Variants in ZCWPW2 observed in about 807,000 individuals in gnomAD.
ZCWPW2 encodes zinc finger CW-type and PWWP domain containing 2, also known as zinc finger CW-type PWWP domain protein 2.
A neutral mutation model predicts 46.6 loss-of-function variants in ZCWPW2; 45 were observed. That is an observed-to-expected ratio of 0.96 (90% CI 0.76 to 1.24). ZCWPW2 has a LOEUF of 1.24. Ranked by LOEUF, ZCWPW2 falls within the 50% of genes most tolerant of loss-of-function variation. ZCWPW2 has a pLI of 0.00. For missense variants in ZCWPW2, 429 were observed against 403.9 expected (o/e 1.06, Z -0.53); for synonymous variants, 152 against 137.1 (o/e 1.11, Z -0.76).
At chr3:28,391,687 C>T (rs1338497506) in intron 2 of ZCWPW2, among the ~76,000 whole-genome samples, 2 of 152,120 alleles carry the variant, frequency 1.3e-5, no homozygotes, top group Non-Finnish European at 2.9e-5. Context: ...AGCATGACCT[C>T]TAATGCTCTG....
chr3:28,516,248 T>G (rs1700565895), intron 8 of ZCWPW2, among the ~76,000 whole-genome samples: 1 of 139,414 alleles, frequency 7.2e-6, no homozygotes, highest in African/African-American at 2.7e-5. Flanking sequence ...AGAACAAGAT[T>G]CCCTCTCAAT....
At chr3:28,479,849 A>G (rs1014984011) in intron 5 of ZCWPW2, among the ~76,000 whole-genome samples, 3 of 152,292 alleles carry the variant, frequency 2.0e-5, no homozygotes, top group African/African-American at 4.8e-5. Context: ...CAAAGGACTC[A>G]TCTCACTCTT....
intron 4 of ZCWPW2, among the ~76,000 whole-genome samples, chr3:28,439,116 G>GAT (rs569482055): frequency 1.3e-3 from 178 of 138,926 alleles, no homozygotes; most frequent in African/African-American, 4.5e-3. Context: ...CACACCATAG[G>GAT]ATATATATAT....
intron 6 of ZCWPW2, among the ~76,000 whole-genome samples, chr3:28,498,915 G>A (rs1303105756): frequency 6.6e-6 from 1 of 152,036 alleles, no homozygotes; most frequent in Non-Finnish European, 1.5e-5. Context: ...TTCTGTTCCT[G>A]TGTTAGTTTG....
At chr3:28,403,667 A>G (rs187830287) in intron 2 of ZCWPW2, among the ~76,000 whole-genome samples, 1 of 152,298 alleles carries the variant, frequency 6.6e-6, no homozygotes, top group Non-Finnish European at 1.5e-5. Context: ...ATAGTCACCA[A>G]AACAGCATGG....
chr3:28,417,131 AAG>A (rs1696615880), intron 3 of ZCWPW2, among the ~76,000 whole-genome samples: 1 of 151,890 alleles, frequency 6.6e-6, no homozygotes, highest in East Asian at 1.9e-4. Flanking sequence ...AGAAAAGACA[AAG>A]GGGATATCAC....
At chr3:28,487,753 G>A (rs2125812746) in intron 5 of ZCWPW2, among the ~76,000 whole-genome samples, 1 of 152,216 alleles carries the variant, frequency 6.6e-6, no homozygotes, top group East Asian at 1.9e-4. Context: ...GACATGAGGG[G>A]GAGGGAAAGC....
At chr3:28,401,071 C>G (rs376817780) in intron 2 of ZCWPW2, among the ~76,000 whole-genome samples, 1 of 151,438 alleles carries the variant, frequency 6.6e-6, no homozygotes, top group South Asian at 2.1e-4. Context: ...CCCAGCTACT[C>G]GGGAGGCTGA....
chr3:28,405,485 G>T (rs1200702890), intron 2 of ZCWPW2, among the ~76,000 whole-genome samples: 3 of 152,126 alleles, frequency 2.0e-5, no homozygotes, highest in South Asian at 2.1e-4. Flanking sequence ...TTGTTTGTTT[G>T]TTTTTTTGAG....
In ZCWPW2 at chr3:28,413,185, G is replaced by A. The variant is rs765163042; in HGVS notation, c.117G>A (p.Leu39=). The A allele has an allele frequency of 2.5e-6, 4 of 1,613,376 alleles. No homozygotes were observed. In the East Asian group the frequency reaches 8.9e-5, roughly 36 times the overall value. ...TTCAATGTGAGAATGAAAATTGTTTGAAATGGAGATTGTTATCAAGTGAGG... is the reference window on the plus strand; with the variant it reads ...TTCAATGTGAGAATGAAAATTGTTTAAAATGGAGATTGTTATCAAGTGAGG... ...VWVQCENENC[L]KWRLLSSEDS... The change falls in exon 3 of 10, where the codon TTG becomes TTA. Residue 39 remains leucine (L), a synonymous_variant. Transcript: ENST00000383768.
intron 8 of ZCWPW2, among the ~76,000 whole-genome samples, chr3:28,518,391 T>C (rs1049187372): frequency 2.0e-5 from 3 of 152,126 alleles, no homozygotes; most frequent in Non-Finnish European, 4.4e-5. Context: ...CACTGACCAA[T>C]TTTGATAACA....
At chr3:28,509,216 A>G (rs1226258068) in intron 6 of ZCWPW2, among the ~76,000 whole-genome samples, 1 of 152,116 alleles carries the variant, frequency 6.6e-6, no homozygotes, top group African/African-American at 2.4e-5. Flanking sequence ...TGGATATACG[A>G]CACTTTATCC....
At chr3:28,350,735 A>AT in intron 1 of ZCWPW2, among the ~76,000 whole-genome samples, 1 of 151,908 alleles carries the variant, frequency 6.6e-6, no homozygotes, top group Non-Finnish European at 1.5e-5. Flanking sequence ...GTTCATATAT[A>AT]ATCATGTATT....
At chr3:28,379,539 ATAT>A (rs1479592115) in intron 1 of ZCWPW2, among the ~76,000 whole-genome samples, 1 of 152,188 alleles carries the variant, frequency 6.6e-6, no homozygotes, top group Non-Finnish European at 1.5e-5. Flanking sequence ...TATAAAATAA[ATAT>A]CTTCTGCATT....
At chr3:28,423,247 C>G (rs1696868430) in intron 3 of ZCWPW2, among the ~76,000 whole-genome samples, 1 of 151,400 alleles carries the variant, frequency 6.6e-6, no homozygotes, top group South Asian at 2.1e-4. Flanking sequence ...ATGGTTGGTG[C>G]CTTTGATGTT....
chr3:28,404,308 C>T (rs575725237), intron 2 of ZCWPW2, among the ~76,000 whole-genome samples: 2 of 152,100 alleles, frequency 1.3e-5, no homozygotes, highest in South Asian at 4.2e-4. Context: ...CAGGAAAATG[C>T]AAATCAAAAC....
chr3:28,371,190 G>C (rs1450081581), intron 1 of ZCWPW2, among the ~76,000 whole-genome samples: 1 of 152,094 alleles, frequency 6.6e-6, no homozygotes, highest in African/African-American at 2.4e-5. Context: ...ATTATGTGTT[G>C]ATGCTTATTG....
intron 1 of ZCWPW2, among the ~76,000 whole-genome samples, chr3:28,388,883 G>A (rs753358746): frequency 3.3e-5 from 5 of 152,096 alleles, no homozygotes; most frequent in Non-Finnish European, 5.9e-5. Flanking sequence ...GTCACAGTAC[G>A]TGGTAATACT....
chr3:28,432,919 C>T (rs758910427), intron 3 of ZCWPW2, among the ~76,000 whole-genome samples: 19 of 152,128 alleles, frequency 1.2e-4, no homozygotes, highest in Admixed American at 9.2e-4. Context: ...GGTCTTGATA[C>T]AGTAGCAATC....
Sources: gnomAD v4.1 joint callset for allele counts (sites outside exome capture counted in the v4.1 genomes callset) on GRCh38, gnomAD v4.1.1 for gene constraint, MANE v1.5 for transcripts, NCBI Gene and HGNC (gene_info 2026-07-23, HGNC 2026-07-21) for gene names.